Variants in MEGF10 observed in about 807,000 individuals in gnomAD.
MEGF10 encodes multiple epidermal growth factor-like domains protein 10.
MEGF10 carries 86 observed loss-of-function variants against 147.5 expected under a neutral mutation model. The observed-to-expected ratio is 0.58, with a 90% CI of 0.49 to 0.70. MEGF10 has a LOEUF of 0.70. MEGF10 is among the 30% of genes least tolerant of loss of function. The pLI is 0.00. For missense variants in MEGF10, 1,329 were observed against 1,487.3 expected (o/e 0.89, Z 1.75); for synonymous variants, 478 against 525.5 (o/e 0.91, Z 1.24).
chr5:127,431,061 TG>T (rs531716944), intron 13 of MEGF10, among the ~76,000 whole-genome samples: 520 of 152,340 alleles, frequency 3.4e-3, no homozygotes, highest in Non-Finnish European at 5.3e-3. Context: ...GGAAATGAAA[TG>T]ATGGGTAAAC....
chr5:127,365,017 G>T (rs1762605593), intron 4 of MEGF10, among the ~76,000 whole-genome samples: 1 of 152,078 alleles, frequency 6.6e-6, no homozygotes, highest in South Asian at 2.1e-4. Flanking sequence ...CTCAGTAAAG[G>T]CACCTTTAAC....
chr5:127,255,809 T>C, the MEGF10 span, among the ~76,000 whole-genome samples: 111,029 of 152,076 alleles, frequency 0.73, 41,940 homozygotes, highest in African/African-American at 0.94. Context: ...GACATTCCTT[T>C]ATTGTCATCC....
At chr5:127,308,555 CTT>C (rs1760117000) in intron 1 of MEGF10, among the ~76,000 whole-genome samples, 3 of 152,146 alleles carry the variant, frequency 2.0e-5, no homozygotes, top group Non-Finnish European at 4.4e-5. Context: ...GAGTTCATGT[CTT>C]TTGTAGGGAC....
intron 1 of MEGF10, among the ~76,000 whole-genome samples, chr5:127,305,962 C>T (rs2546082): frequency 0.64 from 97,605 of 151,998 alleles, 31,887 homozygotes; most frequent in Middle Eastern, 0.7. Flanking sequence ...CGAGCATGTG[C>T]TTATGTGTAG....
At chr5:127,337,898 C>A (rs1031120268) in intron 2 of MEGF10, among the ~76,000 whole-genome samples, 1 of 152,034 alleles carries the variant, frequency 6.6e-6, no homozygotes, top group East Asian at 1.9e-4. Context: ...TTTCATTGCC[C>A]AACATTTATG....
intron 1 of MEGF10, among the ~76,000 whole-genome samples, chr5:127,319,051 C>G (rs981444277): frequency 3.0e-5 from 4 of 132,836 alleles, no homozygotes; most frequent in African/African-American, 1.1e-4. Context: ...CTCCCTTCCT[C>G]CCTCCCTCCC....
intron 2 of MEGF10, among the ~76,000 whole-genome samples, chr5:127,334,096 G>A (rs1268899136): frequency 6.6e-6 from 1 of 152,122 alleles, no homozygotes; most frequent in Non-Finnish European, 1.5e-5. Context: ...ATGGGGACCA[G>A]TATAGAAGAT....
At chr5:127,247,345 AAG>A in the MEGF10 span, among the ~76,000 whole-genome samples, 1 of 8,602 alleles carries the variant, frequency 1.2e-4, no homozygotes, top group East Asian at 5.9e-3. Flanking sequence ...GAAGAAGAAG[AAG>A]AAGAAGAAGA....
At position 127,442,423 on chromosome 5, in the gene MEGF10, C is replaced by T. The variant is rs189585321; in HGVS notation, c.2363-575C>T. On this transcript the variant is annotated intron_variant, in intron 18 of 24. Coordinates refer to ENST00000503335, the MANE Select transcript of MEGF10 (RefSeq NM_001256545.2). ...CGCATAGTAAGAATCCTATTACTTT[C>T]GTCTTCAAGACTTCAACAAAATCCA... Among the ~76,000 whole-genome samples the T allele has an allele frequency of 7.2e-5, 11 of 152,290 alleles. No individual in the cohort carries two copies. The South Asian group carries it at 8.3e-4, about 11-fold the overall frequency.
intron 8 of MEGF10, among the ~76,000 whole-genome samples, chr5:127,404,863 A>T (rs2126939744): frequency 6.6e-6 from 1 of 151,990 alleles, no homozygotes; most frequent in Non-Finnish European, 1.5e-5. Flanking sequence ...TTACAGGCGC[A>T]TGCTGCCATA....
chr5:127,402,273 TCA>T (rs941366470), intron 7 of MEGF10, among the ~76,000 whole-genome samples: 64 of 152,230 alleles, frequency 4.2e-4, no homozygotes, highest in African/African-American at 1.5e-3. Flanking sequence ...GTTTTAAACT[TCA>T]GTTTTTAATA....
At chr5:127,306,870 C>T (rs1374126645) in intron 1 of MEGF10, among the ~76,000 whole-genome samples, 1 of 152,132 alleles carries the variant, frequency 6.6e-6, no homozygotes, top group Non-Finnish European at 1.5e-5. Context: ...GTGGAATCAG[C>T]CGAGTTTGAG....
chr5:127,293,496 G>T (rs1477541038), intron 1 of MEGF10, among the ~76,000 whole-genome samples: 1 of 152,164 alleles, frequency 6.6e-6, no homozygotes, highest in South Asian at 2.1e-4. Context: ...AATCCCTTCT[G>T]CCTTGATTTA....
At position 127,433,440 on chromosome 5, in the gene MEGF10, G is replaced by A. The variant is rs762845713; in HGVS notation, c.1771G>A (p.Ala591Thr). 3.1e-6 allele frequency: 5 copies of A among 1,614,044 alleles called. No homozygotes were observed. Among genetic ancestry groups the A allele is most frequent in the Admixed American group, 1.7e-5 (1 of 60,010 alleles). ...CCTGCCCTGCTACTGTAAAAATGGGGCTTCATGCTCCCCTGATGATGGCAT... is the reference window on the plus strand; with the variant it reads ...CCTGCCCTGCTACTGTAAAAATGGGACTTCATGCTCCCCTGATGATGGCAT... ...CSLPCYCKNG[A>T]SCSPDDGICE... Residue 591 changes from alanine to threonine, a missense_variant, in exon 14 of 25, where the codon GCT (alanine) becomes ACT (threonine). By Grantham distance (58) the Ala-to-Thr change is moderately conservative. This residue lies in a region of MEGF10 where 980 missense variants were observed against 1,085.9 expected (regional missense o/e 0.90). Coordinates refer to ENST00000503335, the MANE Select transcript of MEGF10 (RefSeq NM_001256545.2).
chr5:127,323,140 A>G (rs1488640446), intron 1 of MEGF10, among the ~76,000 whole-genome samples: 1 of 152,216 alleles, frequency 6.6e-6, no homozygotes, highest in African/African-American at 2.4e-5. Context: ...ATTACTGATC[A>G]GGGATAATCA....
intron 3 of MEGF10, 72 bp from the exon 4 acceptor site, chr5:127,340,458 C>A: frequency 1.8e-6 from 2 of 1,136,302 alleles, no homozygotes; most frequent in Non-Finnish European, 2.6e-6. Flanking sequence ...CATATTTCTT[C>A]ATAACTAGTT....
intron 14 of MEGF10, among the ~76,000 whole-genome samples, 168 bp from the exon 15 acceptor site, chr5:127,434,519 T>C (rs559756185): frequency 6.6e-6 from 1 of 152,358 alleles, no homozygotes; most frequent in Non-Finnish European, 1.5e-5. Context: ...AAAGGGTTCC[T>C]TTGTTCCTTT....
intron 4 of MEGF10, among the ~76,000 whole-genome samples, chr5:127,361,557 C>T (rs1762472341): frequency 6.6e-6 from 1 of 151,824 alleles, no homozygotes. Context: ...TTCTTTTACT[C>T]CCCCTTTCAC....
At chr5:127,324,968 C>G (rs540774806) in intron 1 of MEGF10, among the ~76,000 whole-genome samples, 13 of 152,294 alleles carry the variant, frequency 8.5e-5, no homozygotes, top group African/African-American at 3.1e-4. Flanking sequence ...TGGTCACAGG[C>G]ATTGTCGCCA....
Sources: allele counts gnomAD v4.1 joint callset (sites outside exome capture counted in the v4.1 genomes callset), GRCh38; gene constraint gnomAD v4.1.1; regional missense constraint gnomAD v4.1.1; transcripts MANE v1.5; gene names NCBI Gene and HGNC (gene_info 2026-07-23, HGNC 2026-07-21).